The following TENM1 variants were observed in gnomAD, a reference collection of about 807,000 sequenced individuals.
The protein encoded by TENM1 is teneurin-1.
TENM1 carries 35 observed loss-of-function variants against 174.8 expected under a neutral mutation model. The ratio of observed to expected loss-of-function variants is 0.20; its 90% CI spans 0.15 to 0.27. The LOEUF (loss-of-function observed/expected upper bound fraction) is 0.27. Ranked by LOEUF, TENM1 falls within the 10% of genes least tolerant of loss-of-function variation. The probability of loss-of-function intolerance (pLI) is 1.00; values close to 1 mark genes in which losing one functional copy is unlikely to be tolerated. For synonymous variants in TENM1, 781 were observed against 798.7 expected (o/e 0.98, Z 0.37); for missense variants, 1,633 against 2,130.1 (o/e 0.77, Z 4.59).
At chrX:125,067,666 G>A in the TENM1 span, among the ~76,000 whole-genome samples, 1 of 111,742 alleles carries the variant, frequency 8.9e-6, no homozygotes, top group Non-Finnish European at 1.9e-5. Context: ...TCTGAACTAG[G>A]TAGCAGGCCA....
At chrX:124,946,628 C>T (rs1166051881) in intron 1 of TENM1, among the ~76,000 whole-genome samples, 2 of 111,543 alleles carry the variant, frequency 1.8e-5, no homozygotes, top group South Asian at 3.8e-4. Flanking sequence ...GTGTCAAATG[C>T]TGCTGAAAGG....
intron 11 of TENM1, among the ~76,000 whole-genome samples, chrX:124,592,772 T>C (rs935978307): frequency 1.8e-5 from 2 of 108,126 alleles, no homozygotes; most frequent in African/African-American, 6.8e-5. Flanking sequence ...TTTTTTTTTT[T>C]TGGTTTGTTT....
chrX:124,597,059 T>A (rs781675007), intron 11 of TENM1, among the ~76,000 whole-genome samples: 9 of 111,596 alleles, frequency 8.1e-5, no homozygotes, highest in Non-Finnish European at 1.7e-4. Flanking sequence ...AAAGGAACCC[T>A]TTTACACTGC....
exon 32 of TENM1, chrX:124,378,871 T>C (rs1335791839): frequency 1.8e-5 from 2 of 112,385 alleles, no homozygotes; most frequent in Non-Finnish European, 3.8e-5. Flanking sequence ...TTAGGTAGCA[T>C]CTGGAAAGAA....
rs148661801 is a variant in TENM1, at chrX:124,502,574, T to C, written c.3445+986A>G. On this transcript the variant is annotated intron_variant, in intron 19 of 31. Coordinates refer to ENST00000422452, the Ensembl canonical transcript of TENM1. Reference sequence around the variant, plus strand: ...AATTTAATAAGTGGCATCTGCCCTTTCATTTTTGTACTTTTAAAACTGTGG... The same window carrying C: ...AATTTAATAAGTGGCATCTGCCCTTCCATTTTTGTACTTTTAAAACTGTGG... Among the ~76,000 whole-genome samples the C allele has an allele frequency of 2.6e-4, 28 of 106,155 alleles. No homozygotes were observed. In the East Asian group the frequency reaches 6.3e-3, roughly 24 times the overall value. The allele number at this position is 106,155 out of a possible 115,157, so 92.2% of individuals were successfully genotyped here. A position where few individuals can be genotyped will look rare whatever the true frequency, so the allele number is the denominator to read the frequency against.
chrX:124,832,978 C>T (rs145944560), intron 3 of TENM1, among the ~76,000 whole-genome samples: 35 of 111,454 alleles, frequency 3.1e-4, no homozygotes, highest in African/African-American at 8.5e-4. Context: ...CAAATGGTTG[C>T]GTGCATTTTG....
intron 3 of TENM1, among the ~76,000 whole-genome samples, chrX:124,821,765 T>G (rs1477838624): frequency 2.7e-5 from 3 of 111,978 alleles, no homozygotes; most frequent in Non-Finnish European, 5.6e-5. Flanking sequence ...TTTAAGAAGC[T>G]AAGAGAGTTT....
At chrX:125,006,853 CA>C in the TENM1 span, among the ~76,000 whole-genome samples, 2 of 110,995 alleles carry the variant, frequency 1.8e-5, no homozygotes, top group Non-Finnish European at 3.8e-5. Flanking sequence ...CTCCCCCCAA[CA>C]AAAAAACCCA....
chrX:125,028,331 TGAA>T, the TENM1 span, among the ~76,000 whole-genome samples: 1 of 112,246 alleles, frequency 8.9e-6, no homozygotes, highest in African/African-American at 3.2e-5. Context: ...AAAAGAACAT[TGAA>T]GAAGAATATG....
At chrX:124,420,703 C>G (rs1268642719) in exon 25 of TENM1, 1 of 1,209,950 alleles carries the variant, frequency 8.3e-7, no homozygotes, top group Non-Finnish European at 1.1e-6. Context: ...GGGCTTGGTT[C>G]CTGCTGATGG....
intron 14 of TENM1, among the ~76,000 whole-genome samples, chrX:124,553,989 G>C (rs1413650169): frequency 2.7e-5 from 3 of 110,974 alleles, no homozygotes; most frequent in Admixed American, 9.6e-5. Flanking sequence ...TGCACCTATA[G>C]TTACAGCTAC....
chrX:124,451,064 G>A (rs897285486), intron 23 of TENM1, among the ~76,000 whole-genome samples: 2 of 111,689 alleles, frequency 1.8e-5, no homozygotes, highest in African/African-American at 6.5e-5. Flanking sequence ...ACAAATTTAT[G>A]GAATGTTAGA....
At chrX:124,819,136 A>G (rs1329299746) in intron 3 of TENM1, among the ~76,000 whole-genome samples, 1 of 112,103 alleles carries the variant, frequency 8.9e-6, no homozygotes, top group Non-Finnish European at 1.9e-5. Context: ...TGTAATTTAA[A>G]TTGACTATGT....
At chrX:124,575,077 A>G (rs1202185834) in intron 11 of TENM1, among the ~76,000 whole-genome samples, 1 of 111,881 alleles carries the variant, frequency 8.9e-6, no homozygotes, top group Non-Finnish European at 1.9e-5. Flanking sequence ...GCACACACAT[A>G]TTTTTGGTGT....
chrX:124,392,414 A>G, intron 27 of TENM1, 66 bp from the exon 31 acceptor site: 2 of 887,164 alleles, frequency 2.3e-6, no homozygotes, highest in Non-Finnish European at 3.2e-6. Context: ...AGCACTGACA[A>G]TCATGAATCC....
the TENM1 span, among the ~76,000 whole-genome samples, chrX:125,168,686 C>T: frequency 2.7e-5 from 3 of 110,767 alleles, no homozygotes; most frequent in African/African-American, 9.8e-5. Context: ...CAGAGACTAT[C>T]GGTCTCAATT....
At chrX:124,614,092 G>A (rs756493818) in intron 11 of TENM1, among the ~76,000 whole-genome samples, 16 of 111,502 alleles carry the variant, frequency 1.4e-4, no homozygotes, top group Non-Finnish European at 3.0e-4. Flanking sequence ...TGGGGTGGTG[G>A]CGTGGTATGT....
intron 3 of TENM1, among the ~76,000 whole-genome samples, chrX:124,869,139 A>G (rs2057062308): frequency 9.1e-6 from 1 of 109,533 alleles, no homozygotes; most frequent in Non-Finnish European, 1.9e-5. Context: ...AAGCTGAGGC[A>G]TAAGAATTGC....
At chrX:124,426,244 G>A (rs1261759935) in intron 23 of TENM1, among the ~76,000 whole-genome samples, 1 of 111,451 alleles carries the variant, frequency 9.0e-6, no homozygotes, top group African/African-American at 3.3e-5. Context: ...CCACTCACTT[G>A]TTCTCTATTT....
Sources: gnomAD v4.1 joint callset for allele counts (sites outside exome capture counted in the v4.1 genomes callset) on GRCh38, gnomAD v4.1.1 for gene constraint, MANE v1.5 for transcripts, NCBI Gene and HGNC (gene_info 2026-07-23, HGNC 2026-07-21) for gene names.